RBFOX1: variants seen among roughly 807,000 people sequenced by gnomAD.
RBFOX1 encodes RNA binding fox-1 homolog 1.
In RBFOX1, 8 loss-of-function variants were observed where a neutral mutation model predicts 57.7. The ratio of observed to expected loss-of-function variants is 0.14; its 90% CI spans 0.08 to 0.25. RBFOX1 has a LOEUF of 0.25. RBFOX1 is among the 10% of genes least tolerant of loss of function. The pLI is 1.00. For missense variants in RBFOX1, 611 were observed against 548.5 expected, an observed-to-expected ratio of 1.11 and a Z score of -1.14; for synonymous variants, 326 against 222.4, an observed-to-expected ratio of 1.47 and a Z score of -4.15.
chr16:6,783,388 A>G (rs1432940016), intron 3 of RBFOX1, among the ~76,000 whole-genome samples: 2 of 125,990 alleles, frequency 1.6e-5, no homozygotes, highest in East Asian at 2.3e-4. Context: ...CTGTCTTTTA[A>G]TTTTTTTGTG....
At chr16:6,901,012 C>T (rs2068342460) in intron 3 of RBFOX1, among the ~76,000 whole-genome samples, 1 of 152,150 alleles carries the variant, frequency 6.6e-6, no homozygotes, top group South Asian at 2.1e-4. Flanking sequence ...TTCCTGATAT[C>T]CCTCCCATTC....
intron 2 of RBFOX1, among the ~76,000 whole-genome samples, chr16:6,504,781 T>A (rs2096045661): frequency 1.3e-5 from 2 of 152,014 alleles, no homozygotes; most frequent in Non-Finnish European, 2.9e-5. Context: ...TCTGGCCAGG[T>A]GCAGTGGCTC....
chr16:5,790,673 A>T (rs182129796), intron 3 of RBFOX1, among the ~76,000 whole-genome samples: 6 of 152,154 alleles, frequency 3.9e-5, no homozygotes, highest in Admixed American at 1.3e-4. Context: ...TGAAGACAAC[A>T]ATACCTACTC....
chr16:6,570,827 A>C (rs2097334929), intron 2 of RBFOX1, among the ~76,000 whole-genome samples: 1 of 152,202 alleles, frequency 6.6e-6, no homozygotes, highest in African/African-American at 2.4e-5. Flanking sequence ...TTAAAGACTC[A>C]ATTAACTTTG....
At chr16:5,786,419 CA>C (rs1383570165) in intron 3 of RBFOX1, among the ~76,000 whole-genome samples, 2 of 151,634 alleles carry the variant, frequency 1.3e-5, no homozygotes, top group Non-Finnish European at 1.5e-5. Context: ...GTGTCTCTAC[CA>C]CTAGGAGGGA....
intron 1 of RBFOX1, among the ~76,000 whole-genome samples, chr16:6,049,908 A>C (rs982640754): frequency 6.6e-6 from 1 of 151,198 alleles, no homozygotes; most frequent in East Asian, 1.9e-4. Context: ...TGATTGATTG[A>C]TATATCTTTA....
intron 3 of RBFOX1, among the ~76,000 whole-genome samples, chr16:5,612,130 T>A (rs936449810): frequency 6.6e-6 from 1 of 151,280 alleles, no homozygotes; most frequent in African/African-American, 2.4e-5. Context: ...TACTCTCCCA[T>A]AATTCCTCCC....
chr16:7,281,252 C>A (rs924324300), intron 4 of RBFOX1, among the ~76,000 whole-genome samples: 18 of 151,802 alleles, frequency 1.2e-4, no homozygotes, highest in Admixed American at 7.9e-4. Context: ...ATCTGCCTGT[C>A]CCAGCCTCCC....
At chr16:5,601,825 G>T (rs376190497), downstream of RBFOX1, among the ~76,000 whole-genome samples, 50 of 152,212 alleles carry the variant, frequency 3.3e-4, no homozygotes, top group Admixed American at 1.3e-3. Context: ...GATCAAAGGT[G>T]TCTGAGATGG....
At chr16:6,207,572 A>C (rs1358185183) in intron 1 of RBFOX1, among the ~76,000 whole-genome samples, 1 of 152,228 alleles carries the variant, frequency 6.6e-6, no homozygotes, top group Non-Finnish European at 1.5e-5. Flanking sequence ...TCTTGGGCCC[A>C]AAACATACCT....
intron 2 of RBFOX1, among the ~76,000 whole-genome samples, chr16:6,644,498 T>A (rs1243317749): frequency 6.6e-6 from 1 of 152,234 alleles, no homozygotes; most frequent in African/African-American, 2.4e-5. Context: ...CAGATGAACC[T>A]TTGACTGTGT....
chr16:6,890,522 A>G (rs1264933466), intron 3 of RBFOX1, among the ~76,000 whole-genome samples: 2 of 47,704 alleles, frequency 4.2e-5, no homozygotes, highest in Non-Finnish European at 9.2e-5. Context: ...CCATCTCAAA[A>G]CAAACAAACA....
At chr16:7,304,606 C>G (rs1249825707) in intron 4 of RBFOX1, 1 of 983,138 alleles carries the variant, frequency 1.0e-6, no homozygotes, top group Non-Finnish European at 1.2e-6. Flanking sequence ...TCCCGCGTTG[C>G]GATGGAAAGG....
intron 14 of RBFOX1, among the ~76,000 whole-genome samples, chr16:7,701,802 C>T (rs1008719160): frequency 6.6e-6 from 1 of 152,196 alleles, no homozygotes; most frequent in Admixed American, 6.5e-5. Flanking sequence ...GTCCAGAACT[C>T]AGTTGACCCT....
intron 3 of RBFOX1, among the ~76,000 whole-genome samples, chr16:6,891,904 T>G (rs944348324): frequency 6.6e-6 from 1 of 152,160 alleles, no homozygotes; most frequent in African/African-American, 2.4e-5. Flanking sequence ...GCTCATTCTT[T>G]TCTTCCCTTT....
chr16:6,973,069 T>C (rs28593650), intron 3 of RBFOX1, among the ~76,000 whole-genome samples: 121,049 of 152,018 alleles, frequency 0.8, 48,698 homozygotes, highest in African/African-American at 0.92. Context: ...AGGTGGAGGC[T>C]GCAGTGAGCT....
chr16:5,926,769 G>C (rs1053713917), intron 4 of RBFOX1, among the ~76,000 whole-genome samples: 6 of 152,206 alleles, frequency 3.9e-5, no homozygotes, highest in African/African-American at 1.4e-4. Context: ...CATTATTTAA[G>C]TTTGAGAAAC....
chr16:5,356,812 G>A (rs563183901), intron 1 of RBFOX1, among the ~76,000 whole-genome samples: 11 of 152,144 alleles, frequency 7.2e-5, no homozygotes, highest in East Asian at 1.9e-4. Context: ...AGTTGACATC[G>A]TTGTTGTCAT....
At position 6,471,840 on chromosome 16, in the gene RBFOX1, G is replaced by C. The variant is rs543075397; in HGVS notation, c.-64+154783G>C. On this transcript the variant is annotated intron_variant, in intron 2 of 15. Coordinates refer to ENST00000550418, the MANE Select transcript of RBFOX1 (RefSeq NM_018723.4). ...AGATTCTAGCAGGGATGCAGAGTGT[G>C]GTTGGGACTTCACAGGAAGTCGACT... Among the ~76,000 whole-genome samples the C allele has an allele frequency of 5.3e-5, 8 of 152,250 alleles. No individual in the cohort carries two copies. In the South Asian group the frequency reaches 1.7e-3, roughly 32 times the overall value.
Sources: gnomAD v4.1 joint callset for allele counts (sites outside exome capture counted in the v4.1 genomes callset) on GRCh38, gnomAD v4.1.1 for gene constraint, MANE v1.5 for transcripts, NCBI Gene and HGNC (gene_info 2026-07-23, HGNC 2026-07-21) for gene names.